RERG: variants seen among roughly 807,000 people sequenced by gnomAD.
RERG encodes the protein ras-related and estrogen-regulated growth inhibitor.
A neutral mutation model predicts 23.2 loss-of-function variants in RERG; 25 were observed. That is an observed-to-expected ratio of 1.08 (90% CI 0.79 to 1.50). The LOEUF (loss-of-function observed/expected upper bound fraction) is 1.50. RERG is among the 40% of genes most tolerant of loss of function. The pLI, the probability that RERG is intolerant of heterozygous loss-of-function variation, is 0.00. For synonymous variants in RERG, 81 were observed against 89.1 expected (o/e 0.91, Z 0.51); for missense variants, 253 against 250.1 (o/e 1.01, Z -0.08).
intron 3 of RERG, among the ~76,000 whole-genome samples, chr12:15,115,504 A>C (rs1452254565): frequency 6.6e-6 from 1 of 152,270 alleles, no homozygotes; most frequent in East Asian, 1.9e-4. Context: ...AAGAAAGAGG[A>C]ATAATATAAG....
chr12:15,207,343 G>A (rs1865305830), intron 2 of RERG, among the ~76,000 whole-genome samples: 1 of 152,068 alleles, frequency 6.6e-6, no homozygotes, highest in East Asian at 1.9e-4. Context: ...TAATGCTTAA[G>A]AGGATGAAAA....
At chr12:15,145,562 C>G (rs7302329) in intron 2 of RERG, among the ~76,000 whole-genome samples, 2 of 152,298 alleles carry the variant, frequency 1.3e-5, no homozygotes, top group African/African-American at 4.8e-5. Context: ...CGCAGGTGTG[C>G]CATCAGTCAC....
At chr12:15,189,676 T>C (rs1395828842) in intron 2 of RERG, among the ~76,000 whole-genome samples, 1 of 152,174 alleles carries the variant, frequency 6.6e-6, no homozygotes, top group Non-Finnish European at 1.5e-5. Context: ...GTGACTTACA[T>C]ATAGTAGGTG....
chr12:15,144,469 G>A (rs1484681196), intron 2 of RERG, among the ~76,000 whole-genome samples: 1 of 152,182 alleles, frequency 6.6e-6, no homozygotes, highest in African/African-American at 2.4e-5. Context: ...ATGAGGGACG[G>A]TAATTGGAAA....
At chr12:15,164,394 C>T (rs1864656733) in intron 2 of RERG, among the ~76,000 whole-genome samples, 1 of 152,226 alleles carries the variant, frequency 6.6e-6, no homozygotes, top group South Asian at 2.1e-4. Flanking sequence ...TCTTTTGAGA[C>T]TTTGACAGCC....
intron 2 of RERG, among the ~76,000 whole-genome samples, chr12:15,185,436 C>T (rs1420554761): frequency 6.6e-6 from 1 of 152,106 alleles, no homozygotes; most frequent in African/African-American, 2.4e-5. Flanking sequence ...AGCAGAGTGG[C>T]TACCTGCTCT....
chr12:15,149,456 G>C (rs560941473), intron 2 of RERG, among the ~76,000 whole-genome samples: 20 of 152,236 alleles, frequency 1.3e-4, no homozygotes, highest in Admixed American at 9.8e-4. Flanking sequence ...AGGGGAGGTG[G>C]ATGATACATG....
chr12:15,209,768 A>C (rs960083163), intron 2 of RERG, among the ~76,000 whole-genome samples: 3 of 152,202 alleles, frequency 2.0e-5, no homozygotes, highest in African/African-American at 7.2e-5. Context: ...AAAATATCTG[A>C]GAAGATGTGG....
chr12:15,128,021 C>T (rs913400982), intron 2 of RERG, among the ~76,000 whole-genome samples: 1 of 152,130 alleles, frequency 6.6e-6, no homozygotes, highest in Non-Finnish European at 1.5e-5. Context: ...CTCTGTTTAC[C>T]TTAAAACCCG....
At chr12:15,189,992 A>G (rs1270942539) in intron 2 of RERG, among the ~76,000 whole-genome samples, 2 of 152,320 alleles carry the variant, frequency 1.3e-5, no homozygotes, top group South Asian at 4.1e-4. Context: ...GTAGTTTACA[A>G]TGTTACACTT....
intron 2 of RERG, among the ~76,000 whole-genome samples, chr12:15,184,758 C>T (rs1864967918): frequency 6.6e-6 from 1 of 152,134 alleles, no homozygotes; most frequent in African/African-American, 2.4e-5. Context: ...GTGATTTTCC[C>T]TGTATTTCTA....
intron 2 of RERG, among the ~76,000 whole-genome samples, chr12:15,123,619 A>G (rs1220281204): frequency 3.7e-5 from 5 of 134,368 alleles, no homozygotes; most frequent in Non-Finnish European, 7.8e-5. Flanking sequence ...AATTTATATA[A>G]TAAATATTAA....
At position 15,109,137 on chromosome 12, in the gene RERG, G is replaced by A. The variant is rs757399167; in HGVS notation, c.573C>T (p.Asn191=). Residue 191 remains asparagine (N), a synonymous_variant, in exon 5 of 5, where the codon AAC becomes AAT. Transcript: ENST00000256953. ...AACTACTGATTTTGGTGAGCATCTT[G>A]TTAATGGCTTGCTTGACATGCGTGG... is the stretch of plus-strand genomic sequence containing the variant. ...SSTTHVKQAI[N]KMLTKISS is the part of the protein sequence containing the mutation. 27 of 1,600,106 alleles carry A rather than the reference G, an allele frequency of 1.7e-5. No homozygotes were observed. The East Asian group carries it at 2.0e-4, about 12-fold the overall frequency.
chr12:15,139,737 T>C (rs1864203888), intron 2 of RERG, among the ~76,000 whole-genome samples: 1 of 152,166 alleles, frequency 6.6e-6, no homozygotes, highest in Non-Finnish European at 1.5e-5. Context: ...ATTTTCTACA[T>C]AGAAAATCAT....
chr12:15,129,486 CATTT>C (rs1287668159), intron 2 of RERG, among the ~76,000 whole-genome samples: 2 of 152,150 alleles, frequency 1.3e-5, no homozygotes, highest in East Asian at 3.9e-4. Context: ...CACACACATT[CATTT>C]AGTCAATAAA....
chr12:15,204,791 T>C (rs1009749603), intron 2 of RERG, among the ~76,000 whole-genome samples: 2 of 151,924 alleles, frequency 1.3e-5, no homozygotes, highest in African/African-American at 2.4e-5. Context: ...TAACACAAGA[T>C]GTACATTTCT....
chr12:15,111,653 A>G (rs1327055051), intron 3 of RERG, among the ~76,000 whole-genome samples: 3 of 151,172 alleles, frequency 2.0e-5, no homozygotes, highest in African/African-American at 7.3e-5. Context: ...GAATAGGGGG[A>G]ATCTCTTTGC....
At chr12:15,113,693 T>C (rs1863666202) in intron 3 of RERG, among the ~76,000 whole-genome samples, 1 of 151,764 alleles carries the variant, frequency 6.6e-6, no homozygotes, top group African/African-American at 2.4e-5. Context: ...ACAAAAATTT[T>C]CTAGAATAGA....
At chr12:15,171,159 C>G (rs549584658) in intron 2 of RERG, among the ~76,000 whole-genome samples, 2 of 152,324 alleles carry the variant, frequency 1.3e-5, no homozygotes, top group South Asian at 2.1e-4. Flanking sequence ...TGCATTCACC[C>G]ACTTAGGAGG....
Sources: allele counts gnomAD v4.1 joint callset (sites outside exome capture counted in the v4.1 genomes callset), GRCh38; gene constraint gnomAD v4.1.1; transcripts MANE v1.5; gene names NCBI Gene and HGNC (gene_info 2026-07-23, HGNC 2026-07-21).